CNOT6: variants seen among roughly 807,000 people sequenced by gnomAD.
CNOT6 encodes the protein CCR4-NOT transcription complex subunit 6.
Under a neutral mutation model 61.2 loss-of-function variants are expected in CNOT6, and 12 were observed. The observed-to-expected ratio is 0.20, with a 90% CI of 0.13 to 0.32. The LOEUF (loss-of-function observed/expected upper bound fraction) is 0.32, where lower values mean the gene tolerates loss of function less well. Ranked by LOEUF, CNOT6 falls within the 10% of genes least tolerant of loss-of-function variation. The pLI, the probability that CNOT6 is intolerant of heterozygous loss-of-function variation, is 1.00. For missense variants in CNOT6, 405 were observed against 663.9 expected, an observed-to-expected ratio of 0.61 and a Z score of 4.28; for synonymous variants, 225 against 240.6, an observed-to-expected ratio of 0.94 and a Z score of 0.60.
At chr5:180,541,872 C>G (rs539014157) in intron 2 of CNOT6, among the ~76,000 whole-genome samples, 1 of 151,660 alleles carries the variant, frequency 6.6e-6, no homozygotes, top group Non-Finnish European at 1.5e-5. Flanking sequence ...GACGGGGTCT[C>G]GCTCTGTTGC....
chr5:180,498,599 T>C (rs1756722140), intron 1 of CNOT6, among the ~76,000 whole-genome samples: 1 of 152,176 alleles, frequency 6.6e-6, no homozygotes, highest in African/African-American at 2.4e-5. Flanking sequence ...TGCAAAGGTG[T>C]GTCTGGTCTA....
intron 1 of CNOT6, among the ~76,000 whole-genome samples, chr5:180,525,437 G>T (rs539429789): frequency 1.3e-5 from 2 of 152,130 alleles, no homozygotes; most frequent in East Asian, 3.9e-4. Flanking sequence ...TACACGGGAG[G>T]CTGAGGGGAG....
At chr5:180,566,740 A>G (rs1431921768) in intron 7 of CNOT6, among the ~76,000 whole-genome samples, 3 of 142,696 alleles carry the variant, frequency 2.1e-5, no homozygotes, top group Non-Finnish European at 4.5e-5. Context: ...GCTCACTGCA[A>G]CCTCCGCCTC....
intron 1 of CNOT6, among the ~76,000 whole-genome samples, chr5:180,506,057 C>T (rs771109693): frequency 6.6e-6 from 1 of 152,130 alleles, no homozygotes; most frequent in Non-Finnish European, 1.5e-5. Context: ...CTTGGTCTTG[C>T]AAGTGATAGA....
At chr5:180,519,053 A>G (rs1757771914) in intron 1 of CNOT6, among the ~76,000 whole-genome samples, 1 of 152,190 alleles carries the variant, frequency 6.6e-6, no homozygotes, top group Non-Finnish European at 1.5e-5. Context: ...AGCTACTGAG[A>G]GACCAACTTT....
chr5:180,570,657 G>A (rs1760703268), intron 10 of CNOT6, among the ~76,000 whole-genome samples: 1 of 152,214 alleles, frequency 6.6e-6, no homozygotes. Context: ...AAAATGTCCA[G>A]CCTTGCTAAT....
chr5:180,551,952 C>T (rs1186277445), intron 3 of CNOT6, among the ~76,000 whole-genome samples: 1 of 150,064 alleles, frequency 6.7e-6, no homozygotes, highest in Non-Finnish European at 1.5e-5. Context: ...TCACTGCAAC[C>T]TCTGCCTCCG....
intron 1 of CNOT6, among the ~76,000 whole-genome samples, chr5:180,515,462 A>G (rs1046137255): frequency 6.6e-6 from 1 of 151,216 alleles, no homozygotes; most frequent in African/African-American, 2.4e-5. Flanking sequence ...ATAGTTAGCT[A>G]AGTTGAGGTA....
chr5:180,552,109 TC>T (rs1161217410), intron 3 of CNOT6, among the ~76,000 whole-genome samples: 1 of 151,908 alleles, frequency 6.6e-6, no homozygotes, highest in East Asian at 2.0e-4. Context: ...CCTCAAATGA[TC>T]TGCCTGCCTC....
At chr5:180,539,198 C>T (rs1256072678) in intron 2 of CNOT6, among the ~76,000 whole-genome samples, 2 of 145,648 alleles carry the variant, frequency 1.4e-5, no homozygotes, top group African/African-American at 2.5e-5. Flanking sequence ...AAAAGTCAGC[C>T]AAGCAGGAGG....
intron 1 of CNOT6, 27 bp from the exon 2 acceptor site, chr5:180,529,248 A>G (rs375788020): frequency 8.2e-6 from 10 of 1,224,712 alleles, no homozygotes; most frequent in South Asian, 1.3e-5. Flanking sequence ...ATTTTTTAGA[A>G]TACTGATTGG....
chr5:180,530,325 A>G (rs945921106), intron 2 of CNOT6, among the ~76,000 whole-genome samples: 1 of 152,212 alleles, frequency 6.6e-6, no homozygotes, highest in African/African-American at 2.4e-5. Context: ...AGCTTATGAC[A>G]TTAGGGAGTG....
intron 1 of CNOT6, among the ~76,000 whole-genome samples, chr5:180,497,354 G>T (rs896242556): frequency 2.0e-5 from 3 of 149,114 alleles, no homozygotes; most frequent in African/African-American, 4.9e-5. Context: ...TATGCATTTT[G>T]GTGAATGCTT....
chr5:180,553,547 C>T (rs764622350), intron 4 of CNOT6, 76 bp downstream of exon 4: 5 of 1,064,464 alleles, frequency 4.7e-6, no homozygotes, highest in Non-Finnish European at 7.1e-6. Flanking sequence ...AAGCTTTCTG[C>T]TAGGGGATTC....
intron 5 of CNOT6, 21 bp from the exon 6 acceptor site, chr5:180,564,654 C>T: frequency 6.2e-7 from 1 of 1,611,352 alleles, no homozygotes. Flanking sequence ...TTGCTTAATT[C>T]TGTATTTTCT....
At chr5:180,513,938 A>C (rs1301726878) in intron 1 of CNOT6, among the ~76,000 whole-genome samples, 2 of 148,180 alleles carry the variant, frequency 1.3e-5, no homozygotes, top group Non-Finnish European at 3.0e-5. Flanking sequence ...TCCTGACCTC[A>C]TGATCTGCCC....
intron 2 of CNOT6, among the ~76,000 whole-genome samples, chr5:180,544,816 A>C (rs1027129843): frequency 6.6e-6 from 1 of 152,186 alleles, no homozygotes; most frequent in Admixed American, 6.5e-5. Flanking sequence ...GTAGGGAACC[A>C]GGCGCAGTGG....
At chr5:180,500,127 G>C (rs948556878) in intron 1 of CNOT6, among the ~76,000 whole-genome samples, 4 of 147,844 alleles carry the variant, frequency 2.7e-5, no homozygotes, top group African/African-American at 1.0e-4. Context: ...TCTTTCTTTT[G>C]CTTTTCCTTT....
At chr5:180,552,399 T>G (rs571612644) in intron 3 of CNOT6, among the ~76,000 whole-genome samples, 3 of 151,228 alleles carry the variant, frequency 2.0e-5, no homozygotes, top group South Asian at 2.1e-4. Flanking sequence ...CAGCACACTT[T>G]GGGAGGCCGA....
Sources: allele counts gnomAD v4.1 joint callset (sites outside exome capture counted in the v4.1 genomes callset), GRCh38; gene constraint gnomAD v4.1.1; transcripts MANE v1.5; gene names NCBI Gene and HGNC (gene_info 2026-07-23, HGNC 2026-07-21).